Variants in NBEA observed in about 807,000 individuals in gnomAD.
NBEA encodes the protein lysosomal-trafficking regulator 2.
In NBEA, 44 loss-of-function variants were observed where a neutral mutation model predicts 343.4. That is an observed-to-expected ratio of 0.13 (90% CI 0.10 to 0.16). The LOEUF is 0.16. NBEA is among the 10% of genes least tolerant of loss of function. NBEA has a pLI of 1.00. For missense variants in NBEA, 2,555 were observed against 3,631.3 expected, an observed-to-expected ratio of 0.70 and a Z score of 7.62; for synonymous variants, 1,175 against 1,238.7, an observed-to-expected ratio of 0.95 and a Z score of 1.08.
At chr13:35,623,165 A>T (rs1413267759) in intron 48 of NBEA, among the ~76,000 whole-genome samples, 2 of 152,228 alleles carry the variant, frequency 1.3e-5, no homozygotes, top group Admixed American at 6.5e-5. Context: ...CTAATAGCTT[A>T]GTAATCAAGT....
intron 36 of NBEA, among the ~76,000 whole-genome samples, chr13:35,324,046 T>C (rs897621556): frequency 2.0e-5 from 3 of 152,208 alleles, no homozygotes; most frequent in Admixed American, 6.5e-5. Flanking sequence ...TAAGATCAAC[T>C]TGGCAATAGA....
At chr13:35,316,944 T>C (rs1385456259) in intron 36 of NBEA, among the ~76,000 whole-genome samples, 1 of 152,140 alleles carries the variant, frequency 6.6e-6, no homozygotes, top group Non-Finnish European at 1.5e-5. Context: ...TCGCCCTCTT[T>C]TTGATGGGTT....
chr13:35,186,421 G>A (rs915865286), intron 30 of NBEA: 2 of 152,004 alleles, frequency 1.3e-5, no homozygotes, highest in Admixed American at 1.3e-4. Context: ...TTATTTTCCA[G>A]CAATAGAAGA....
At chr13:35,442,328 C>T (rs1045188255) in intron 39 of NBEA, among the ~76,000 whole-genome samples, 4 of 151,966 alleles carry the variant, frequency 2.6e-5, no homozygotes, top group Non-Finnish European at 5.9e-5. Flanking sequence ...TGTTTTATTA[C>T]GTTTTTTTAC....
chr13:35,317,085 C>A (rs2152837535), intron 36 of NBEA, among the ~76,000 whole-genome samples: 1 of 152,228 alleles, frequency 6.6e-6, no homozygotes, highest in South Asian at 2.1e-4. Flanking sequence ...ATGATAGTTT[C>A]TTTTGCTGTG....
rs571019917 is a variant in NBEA at position 34,985,312 on chromosome 13, G to A, written c.294+42198G>A. Among the ~76,000 whole-genome samples the A allele has an allele frequency of 3.6e-4, 55 of 150,830 alleles. 1 individual carries two copies. The highest frequency in any genetic ancestry group is 1.0e-3 in the African/African-American group (42 of 41,406). ...TTGAGATAATCATGTGGTTTTTGTC[G>A]TTGGTTCTGTTTATGTGATGGATTA... On this transcript the variant is annotated intron_variant, in intron 1 of 58. Coordinates refer to ENST00000379939, the MANE Select transcript of NBEA (RefSeq NM_001385012.1).
At chr13:35,215,340 T>C (rs577903375) in intron 33 of NBEA, among the ~76,000 whole-genome samples, 2 of 151,850 alleles carry the variant, frequency 1.3e-5, no homozygotes, top group South Asian at 2.1e-4. Flanking sequence ...AAAACTCTTG[T>C]ACTTATTTTT....
At chr13:35,388,691 C>CTTA (rs1420775651) in intron 38 of NBEA, among the ~76,000 whole-genome samples, 1 of 152,130 alleles carries the variant, frequency 6.6e-6, no homozygotes, top group Non-Finnish European at 1.5e-5. Context: ...AGTGATTGTG[C>CTTA]TTAGTTAAAT....
At chr13:35,397,706 C>T (rs183364273) in intron 38 of NBEA, among the ~76,000 whole-genome samples, 39 of 152,130 alleles carry the variant, frequency 2.6e-4, no homozygotes, top group African/African-American at 8.4e-4. Flanking sequence ...TTTTGGTTTC[C>T]GAGTTTACAC....
intron 36 of NBEA, among the ~76,000 whole-genome samples, chr13:35,324,146 A>G (rs948429014): frequency 1.1e-4 from 16 of 152,214 alleles, no homozygotes; most frequent in African/African-American, 3.9e-4. Flanking sequence ...CTACACTAAC[A>G]GGAAGGTATA....
chr13:35,004,241 C>T (rs544205360), intron 1 of NBEA, among the ~76,000 whole-genome samples: 5 of 152,240 alleles, frequency 3.3e-5, no homozygotes, highest in Middle Eastern at 6.8e-3. Context: ...AGTGCACACA[C>T]GTGTGCATGT....
At chr13:35,525,626 G>GTACTCTA (rs2077936223) in intron 41 of NBEA, among the ~76,000 whole-genome samples, 1 of 152,082 alleles carries the variant, frequency 6.6e-6, no homozygotes, top group Non-Finnish European at 1.5e-5. Flanking sequence ...TATTTAGAGG[G>GTACTCTA]AAGTGTACTC....
chr13:35,451,598 T>G (rs773465995), intron 39 of NBEA, among the ~76,000 whole-genome samples: 36 of 152,340 alleles, frequency 2.4e-4, no homozygotes, highest in Non-Finnish European at 4.6e-4. Context: ...ATGTGAATGG[T>G]TTCTCGTTTG....
intron 16 of NBEA, among the ~76,000 whole-genome samples, chr13:35,119,776 A>G (rs1334096138): frequency 6.6e-6 from 1 of 152,096 alleles, no homozygotes; most frequent in Non-Finnish European, 1.5e-5. Context: ...GTTTTAGTAG[A>G]GACGGGGTTT....
intron 38 of NBEA, among the ~76,000 whole-genome samples, chr13:35,372,112 C>T (rs531916189): frequency 1.6e-3 from 247 of 152,238 alleles, no homozygotes; most frequent in Middle Eastern, 0.01. Flanking sequence ...TCTTGGGTGC[C>T]AGCAGTGGCA....
Position 35,208,805 on chromosome 13 carries a change from T to TA in NBEA, c.5473dup (p.Ile1825AsnfsTer14). On this transcript the variant is annotated frameshift_variant, in exon 32 of 59. Transcript: ENST00000379939. LOFTEE classifies it high-confidence loss of function. ...GGCTGCCAACAGGCAGTACCTCTAA[T>TA]ATATTTGCTGCTACTGGAGCTACAC... 6.2e-7 allele frequency: 1 copy of TA among 1,609,704 alleles called. No homozygotes were observed. The highest frequency in any genetic ancestry group is 2.2e-5 in the East Asian group (1 of 44,618).
At chr13:35,511,421 T>A (rs746079532) in intron 41 of NBEA, among the ~76,000 whole-genome samples, 4 of 152,170 alleles carry the variant, frequency 2.6e-5, no homozygotes, top group Non-Finnish European at 5.9e-5. Context: ...TACTTTAAAG[T>A]TGACTTAAAC....
At chr13:35,381,956 A>G (rs2042033445) in intron 38 of NBEA, among the ~76,000 whole-genome samples, 1 of 152,160 alleles carries the variant, frequency 6.6e-6, no homozygotes, top group South Asian at 2.1e-4. Flanking sequence ...TCTTAGTTGT[A>G]AAACTAAATT....
At position 34,942,956 on chromosome 13, in the gene NBEA, A is replaced by G; in HGVS notation, c.136A>G (p.Arg46Gly). The change falls in exon 1 of 59, where the codon AGG becomes GGG. Residue 46 changes from arginine (R) to glycine (G), a missense_variant. Arg to Gly is a moderately radical substitution (Grantham distance 125). Transcript: ENST00000379939. ...CGGGGGCAGCGGGATGGGGGAGCTA[A>G]GGGGGGCGTCCGGCTCCGGCTCGGT... ...GTGGSGMGEL[R>G]GASGSGSVML... is the part of the protein sequence containing the mutation. The G allele has an allele frequency of 1.3e-6, 2 of 1,583,332 alleles. No individual in the cohort carries two copies. The highest frequency in any genetic ancestry group is 1.7e-6 in the Non-Finnish European group (2 of 1,166,048).
Sources: allele counts gnomAD v4.1 joint callset (sites outside exome capture counted in the v4.1 genomes callset), GRCh38; gene constraint gnomAD v4.1.1; transcripts MANE v1.5; gene names NCBI Gene and HGNC (gene_info 2026-07-23, HGNC 2026-07-21).